DLG2: variants seen among roughly 807,000 people sequenced by gnomAD.
DLG2 encodes disks large homolog 2.
In DLG2, 45 loss-of-function variants were observed where a neutral mutation model predicts 132.5. That is an observed-to-expected ratio of 0.34 (90% confidence interval 0.27 to 0.44). The LOEUF (loss-of-function observed/expected upper bound fraction) is 0.44. Ranked by LOEUF, DLG2 falls within the 20% of genes least tolerant of loss-of-function variation. The probability of loss-of-function intolerance (pLI) is 1.00; values close to 1 mark genes in which losing one functional copy is unlikely to be tolerated. For missense variants in DLG2, 1,045 were observed against 1,196.9 expected (o/e 0.87, Z 1.87); for synonymous variants, 424 against 419.6 (o/e 1.01, Z -0.13).
At chr11:84,019,372 T>C (rs550949014) in intron 11 of DLG2, among the ~76,000 whole-genome samples, 1 of 152,046 alleles carries the variant, frequency 6.6e-6, no homozygotes, top group Non-Finnish European at 1.5e-5. Flanking sequence ...TTTAATTCTG[T>C]CAAAATAGGC....
At chr11:84,200,203 T>C (rs1341309536) in intron 8 of DLG2, among the ~76,000 whole-genome samples, 1 of 152,196 alleles carries the variant, frequency 6.6e-6, no homozygotes, top group East Asian at 1.9e-4. Flanking sequence ...AAGAATATTA[T>C]TAAAAAATGT....
chr11:85,426,877 GA>G (rs960451913), intron 3 of DLG2, among the ~76,000 whole-genome samples: 1 of 151,878 alleles, frequency 6.6e-6, no homozygotes, highest in African/African-American at 2.4e-5. Context: ...TAAAAACCTT[GA>G]AAAAAAATTA....
At chr11:84,905,252 T>C (rs2091373159) in intron 6 of DLG2, among the ~76,000 whole-genome samples, 1 of 152,206 alleles carries the variant, frequency 6.6e-6, no homozygotes, top group Non-Finnish European at 1.5e-5. Flanking sequence ...TCGGTTTACA[T>C]ATCTGTGTAC....
intron 6 of DLG2, among the ~76,000 whole-genome samples, chr11:84,976,389 A>G (rs984953288): frequency 3.3e-5 from 5 of 152,188 alleles, no homozygotes; most frequent in African/African-American, 1.2e-4. Context: ...TAGAAAGATG[A>G]CTACTAGGTC....
At chr11:84,423,836 C>G (rs2098958304) in intron 7 of DLG2, among the ~76,000 whole-genome samples, 1 of 152,170 alleles carries the variant, frequency 6.6e-6, no homozygotes. Context: ...AATACACATT[C>G]AAGAACATAC....
At chr11:84,946,060 G>A (rs957415860) in intron 6 of DLG2, among the ~76,000 whole-genome samples, 21 of 152,148 alleles carry the variant, frequency 1.4e-4, no homozygotes, top group Non-Finnish European at 2.6e-4. Flanking sequence ...AGGGCTCTTC[G>A]GTCAGCTTGT....
chr11:84,651,042 T>TC (rs2099681461), intron 6 of DLG2, among the ~76,000 whole-genome samples: 1 of 151,892 alleles, frequency 6.6e-6, no homozygotes, highest in African/African-American at 2.4e-5. Context: ...CCTTTTTTTT[T>TC]CTGAAAGCAA....
intron 4 of DLG2, among the ~76,000 whole-genome samples, chr11:85,218,104 T>C (rs1204167944): frequency 6.6e-6 from 1 of 152,192 alleles, no homozygotes; most frequent in Non-Finnish European, 1.5e-5. Context: ...GCATATGGCT[T>C]TATTTCTGAG....
intron 6 of DLG2, among the ~76,000 whole-genome samples, chr11:84,934,056 A>G (rs2048394626): frequency 6.6e-6 from 1 of 152,032 alleles, no homozygotes; most frequent in Non-Finnish European, 1.5e-5. Context: ...TAGTTTATTG[A>G]GTTTTTAAAG....
chr11:83,691,882 T>C (rs2081067349), intron 18 of DLG2: 1 of 152,218 alleles, frequency 6.6e-6, no homozygotes, highest in Non-Finnish European at 1.5e-5. Flanking sequence ...TGCCCAATTA[T>C]AGTTAGAACT....
chr11:84,738,181 C>G (rs149663477), intron 6 of DLG2, among the ~76,000 whole-genome samples: 1 of 152,012 alleles, frequency 6.6e-6, no homozygotes, highest in African/African-American at 2.4e-5. Flanking sequence ...TATCTAGAGT[C>G]AGACTTTGCA....
intron 21 of DLG2, among the ~76,000 whole-genome samples, chr11:83,515,752 T>C (rs1224590556): frequency 6.6e-6 from 1 of 152,216 alleles, no homozygotes; most frequent in African/African-American, 2.4e-5. Flanking sequence ...TCAAAGAACA[T>C]CTTTATTTCT....
At chr11:84,791,948 G>C (rs746101167) in intron 6 of DLG2, among the ~76,000 whole-genome samples, 3 of 152,078 alleles carry the variant, frequency 2.0e-5, no homozygotes, top group Non-Finnish European at 4.4e-5. Flanking sequence ...GATTGCTGTA[G>C]CTAAGGAGTT....
At chr11:85,105,274 A>G (rs1251806018) in intron 6 of DLG2, among the ~76,000 whole-genome samples, 2 of 151,912 alleles carry the variant, frequency 1.3e-5, no homozygotes, top group African/African-American at 4.8e-5. Flanking sequence ...CTTTCTGGGC[A>G]TATTTCAAAG....
intron 6 of DLG2, among the ~76,000 whole-genome samples, chr11:84,874,892 G>T (rs928048602): frequency 2.0e-5 from 3 of 151,860 alleles, no homozygotes; most frequent in East Asian, 1.9e-4. Flanking sequence ...ATGGTGTCAG[G>T]CACCTGTAAT....
At position 85,361,024 on chromosome 11, in the gene DLG2, A is replaced by G. The variant is rs76245482; in HGVS notation, c.41-75659T>C. 8.8e-3 allele frequency among the ~76,000 whole-genome samples: 1,334 copies of G among 152,310 alleles called. 17 individuals are homozygous for G. The highest frequency in any genetic ancestry group is 0.03 in the African/African-American group (1,261 of 41,556). ...TGTATTTTTACAGCTCTATGAAAAAAAAATAAAATCTTCTTCTTTTTTATG... is the reference window on the plus strand; with the variant it reads ...TGTATTTTTACAGCTCTATGAAAAAGAAATAAAATCTTCTTCTTTTTTATG... On this transcript the variant is annotated intron_variant, in intron 3 of 27. Coordinates refer to ENST00000376104, the MANE Select transcript of DLG2 (RefSeq NM_001142699.3).
At chr11:84,426,010 T>G (rs984501966) in intron 7 of DLG2, among the ~76,000 whole-genome samples, 1 of 152,022 alleles carries the variant, frequency 6.6e-6, no homozygotes, top group Non-Finnish European at 1.5e-5. Flanking sequence ...CATGGTAAAG[T>G]CACATCAATT....
chr11:84,253,028 CTG>C (rs1186652260), intron 7 of DLG2, among the ~76,000 whole-genome samples: 4 of 152,122 alleles, frequency 2.6e-5, no homozygotes, highest in Non-Finnish European at 4.4e-5. Context: ...ACCAAAAACA[CTG>C]GGCATGGAAA....
At chr11:84,218,759 A>G (rs889906332) in intron 8 of DLG2, among the ~76,000 whole-genome samples, 3 of 152,148 alleles carry the variant, frequency 2.0e-5, no homozygotes, top group Non-Finnish European at 4.4e-5. Flanking sequence ...ATGTCTGTAA[A>G]TATTTTTAGT....
Sources: gnomAD v4.1 joint callset for allele counts (sites outside exome capture counted in the v4.1 genomes callset) on GRCh38, gnomAD v4.1.1 for gene constraint, MANE v1.5 for transcripts, NCBI Gene and HGNC (gene_info 2026-07-23, HGNC 2026-07-21) for gene names.